Variants in NECTIN1 observed in about 807,000 individuals in gnomAD.
NECTIN1 encodes the protein nectin cell adhesion molecule 1.
Under a neutral mutation model 48.0 loss-of-function variants are expected in NECTIN1, and 23 were observed. The observed-to-expected ratio is 0.48, with a 90% CI of 0.34 to 0.68. The LOEUF is 0.68. Among genes scored for constraint, NECTIN1 ranks in the 30% least tolerant of loss-of-function variants. NECTIN1 has a pLI of 0.01. For synonymous variants in NECTIN1, 270 were observed against 288.9 expected (o/e 0.93, Z 0.66); for missense variants, 591 against 709.9 (o/e 0.83, Z 1.90).
intron 1 of NECTIN1, among the ~76,000 whole-genome samples, chr11:119,686,840 G>T (rs572001467): frequency 2.0e-5 from 3 of 152,158 alleles, no homozygotes; most frequent in Non-Finnish European, 4.4e-5. Flanking sequence ...GTATCTCGGC[G>T]CACACCTGTC....
At chr11:119,674,517 G>A (rs1039390832) in intron 5 of NECTIN1, 2 of 1,613,726 alleles carry the variant, frequency 1.2e-6, no homozygotes, top group Non-Finnish European at 1.7e-6. Context: ...CAGATGGTGG[G>A]GGGGGCCCTG....
chr11:119,648,578 A>T (rs965758826), intron 5 of NECTIN1, among the ~76,000 whole-genome samples: 3 of 151,208 alleles, frequency 2.0e-5, no homozygotes, highest in Non-Finnish European at 4.4e-5. Flanking sequence ...CGGGCCTGAG[A>T]CTGTTTCTGT....
intron 1 of NECTIN1, among the ~76,000 whole-genome samples, chr11:119,706,169 C>T (rs990056518): frequency 2.0e-5 from 3 of 152,240 alleles, no homozygotes; most frequent in Non-Finnish European, 4.4e-5. Flanking sequence ...TGGGCACAGG[C>T]TTTCCTCTGA....
chr11:119,651,430 T>TG lies in NECTIN1; in HGVS notation c.1004-11419dup, dbSNP rs879824149. Among the ~76,000 whole-genome samples the TG allele has an allele frequency of 2.2e-3, 327 of 151,732 alleles. 4 individuals are homozygous for TG. Among genetic ancestry groups the TG allele is most frequent in the South Asian group, 6.0e-3 (29 of 4,798 alleles). ...GGAGACGGACAGCCCCAGTCTTTCT[T>TG]GGGGGGGGTCTGTCCTCGCCACCCC... is the stretch of plus-strand genomic sequence containing the variant. On this transcript the variant is annotated intron_variant, in intron 5 of 7. Coordinates refer to the NECTIN1 transcript ENST00000341398.
intron 5 of NECTIN1, among the ~76,000 whole-genome samples, chr11:119,647,391 C>G (rs924497255): frequency 3.3e-5 from 5 of 151,950 alleles, no homozygotes; most frequent in African/African-American, 1.2e-4. Context: ...CTGAGCAAGG[C>G]CGACTCTGAA....
At chr11:119,694,838 C>T (rs1865315208) in intron 1 of NECTIN1, among the ~76,000 whole-genome samples, 1 of 152,168 alleles carries the variant, frequency 6.6e-6, no homozygotes, top group East Asian at 1.9e-4. Flanking sequence ...GGCATCTTGC[C>T]CTCCATGTGC....
intron 1 of NECTIN1, among the ~76,000 whole-genome samples, chr11:119,681,748 G>A (rs1246721036): frequency 6.6e-6 from 1 of 152,216 alleles, no homozygotes; most frequent in East Asian, 1.9e-4. Context: ...ACATGGTGGG[G>A]AAGTGAAGGA....
rs12295549 is a variant in NECTIN1, at chr11:119,709,782, G to A, written c.79+18693C>T. On this transcript the variant is annotated intron_variant, in intron 1 of 5. Transcript: ENST00000264025. This position sits in a 1 kb window ranked among gnomAD's most constrained non-coding sequence, Gnocchi z 4.1. ...GCAGGACGAGGCGGAGCGGGTTTGAGGGGGAGGACCTAGCTGGTTTTTCCC... is the reference window on the plus strand; with the variant it reads ...GCAGGACGAGGCGGAGCGGGTTTGAAGGGGAGGACCTAGCTGGTTTTTCCC... 9.0e-3 allele frequency: 1,370 copies of A among 152,320 alleles called. 28 individuals are homozygous for A. Among genetic ancestry groups the A allele is most frequent in the African/African-American group, 0.032 (1,310 of 41,524 alleles). 9.4% of individuals were successfully genotyped at this position (152,320 alleles called of 1,614,324 possible).
chr11:119,670,686 G>A (rs1004509270), intron 5 of NECTIN1, among the ~76,000 whole-genome samples: 3 of 119,270 alleles, frequency 2.5e-5, no homozygotes, highest in Non-Finnish European at 3.2e-5. Context: ...TCGCTCCATC[G>A]CCTGGGCTGG....
chr11:119,695,073 G>T (rs1865320683), intron 1 of NECTIN1, among the ~76,000 whole-genome samples: 2 of 152,124 alleles, frequency 1.3e-5, no homozygotes, highest in Non-Finnish European at 2.9e-5. Flanking sequence ...ACTGTCTAAT[G>T]GGTATTACGT....
rs1306078528 is a variant in NECTIN1, at chr11:119,678,567, T to C, written c.278A>G (p.Tyr93Cys). Residue 93 changes from tyrosine to cysteine, a missense_variant, in exon 2 of 6, where the codon TAC becomes TGC. Physicochemically the swap from Tyr to Cys is radical, Grantham distance 194. Transcript: ENST00000264025. This position sits in a 1 kb window ranked among gnomAD's most constrained non-coding sequence, Gnocchi z 4.4. ...CCGCAGGAATTCCACACGCTCGCGG[T>C]AGGGAGCCAGCACGGACACGCCCAT... is the stretch of plus-strand genomic sequence containing the variant. ...PSMGVSVLAP[Y>C]RERVEFLRPS... 1.2e-6 allele frequency: 2 copies of C among 1,614,012 alleles called. No homozygotes were observed. The highest frequency in any genetic ancestry group is 1.7e-5 in the Admixed American group (1 of 60,006).
intron 1 of NECTIN1, chr11:119,712,813 T>C (rs984337068): frequency 1.3e-5 from 2 of 152,230 alleles, no homozygotes; most frequent in African/African-American, 4.8e-5. Flanking sequence ...AGTCTCCTGG[T>C]CTTCAGGTCC....
intron 1 of NECTIN1, among the ~76,000 whole-genome samples, chr11:119,700,866 A>G (rs1865439196): frequency 6.6e-6 from 1 of 152,166 alleles, no homozygotes; most frequent in Admixed American, 6.5e-5. Flanking sequence ...CTGCGAAACA[A>G]ATCCAGGCTC....
At chr11:119,658,093 C>G (rs1864605493), downstream of NECTIN1, among the ~76,000 whole-genome samples, 1 of 152,010 alleles carries the variant, frequency 6.6e-6, no homozygotes, top group South Asian at 2.1e-4. Flanking sequence ...TTGATGATGC[C>G]CTGCGGCTGG....
intron 1 of NECTIN1, among the ~76,000 whole-genome samples, chr11:119,698,366 G>C (rs757934772): frequency 6.6e-6 from 1 of 152,150 alleles, no homozygotes; most frequent in Non-Finnish European, 1.5e-5. Flanking sequence ...CTTCTTTCAC[G>C]GTCTTCAGCA....
intron 1 of NECTIN1, among the ~76,000 whole-genome samples, chr11:119,685,488 G>A (rs1433992561): frequency 6.6e-6 from 1 of 152,240 alleles, no homozygotes; most frequent in Non-Finnish European, 1.5e-5. Context: ...GCAGTGATGG[G>A]GGTGCTCTGG....
chr11:119,676,850 G>A, intron 4 of NECTIN1: 2 of 554,216 alleles, frequency 3.6e-6, no homozygotes, highest in Non-Finnish European at 6.5e-6. Flanking sequence ...AAGAGGGAGG[G>A]AAGCAGATCA....
At chr11:119,650,952 C>A (rs143028555) in intron 5 of NECTIN1, among the ~76,000 whole-genome samples, 2,182 of 152,280 alleles carry the variant, frequency 0.014, 24 homozygotes, top group Non-Finnish European at 0.021. Flanking sequence ...TGTTGTTAGG[C>A]TCCTGGGACT....
At chr11:119,685,069 G>T (rs913411708) in intron 1 of NECTIN1, among the ~76,000 whole-genome samples, 1 of 152,218 alleles carries the variant, frequency 6.6e-6, no homozygotes, top group Non-Finnish European at 1.5e-5. Context: ...GCTGCGCACA[G>T]TCTGGACTTG....
Sources: allele counts gnomAD v4.1 joint callset (sites outside exome capture counted in the v4.1 genomes callset), GRCh38; gene constraint gnomAD v4.1.1; non-coding constraint Gnocchi (gnomAD v3.1); transcripts MANE v1.5; gene names NCBI Gene and HGNC (gene_info 2026-07-23, HGNC 2026-07-21).